Variants in R3HCC1L observed in about 807,000 individuals in gnomAD.
The protein encoded by R3HCC1L is R3H domain and coiled-coil containing 1 like, also known as coiled-coil domain-containing protein R3HCC1L.
In R3HCC1L, 51 loss-of-function variants were observed where a neutral mutation model predicts 59.9. That is an observed-to-expected ratio of 0.85 (90% confidence interval 0.68 to 1.07). R3HCC1L has a LOEUF of 1.07. Among genes scored for constraint, R3HCC1L ranks in the 50% least tolerant of loss-of-function variants. The pLI is 0.00. For synonymous variants in R3HCC1L, 322 were observed against 315.2 expected, an observed-to-expected ratio of 1.02 and a Z score of -0.23; for missense variants, 965 against 933.0, an observed-to-expected ratio of 1.03 and a Z score of -0.45.
At chr10:98,158,405 T>C (rs2134132483) in intron 2 of R3HCC1L, among the ~76,000 whole-genome samples, 1 of 152,352 alleles carries the variant, frequency 6.6e-6, no homozygotes, top group Middle Eastern at 3.4e-3. Flanking sequence ...TCTTTGTTTT[T>C]CTGTTTAATT....
intron 1 of R3HCC1L, among the ~76,000 whole-genome samples, chr10:98,137,072 G>T (rs1192474343): frequency 1.3e-5 from 2 of 152,094 alleles, no homozygotes; most frequent in Non-Finnish European, 2.9e-5. Flanking sequence ...TTAGCTGGGC[G>T]TGGTGGCGTG....
At chr10:98,212,028 G>T (rs1359873399) in intron 5 of R3HCC1L, among the ~76,000 whole-genome samples, 1 of 152,084 alleles carries the variant, frequency 6.6e-6, no homozygotes, top group Admixed American at 6.6e-5. Context: ...GTTGTGTTTG[G>T]CTTATGTTTG....
chr10:98,224,011 G>A lies in R3HCC1L; in HGVS notation c.1786-7501G>A, dbSNP rs115668687. On this transcript the variant is annotated intron_variant, in intron 5 of 9. Transcript: ENST00000298999. ...AATTACGCAGGTGGGGGGTTGTGGCGGGTCAATCTCCAGGCTCCCTGATGT... is the reference window on the plus strand; with the variant it reads ...AATTACGCAGGTGGGGGGTTGTGGCAGGTCAATCTCCAGGCTCCCTGATGT... Among the ~76,000 whole-genome samples, 457 of 152,190 alleles carry A rather than the reference G, an allele frequency of 3.0e-3. 4 individuals are homozygous for A. Among genetic ancestry groups the A allele is most frequent in the African/African-American group, 9.3e-3 (385 of 41,524 alleles).
rs1853607103 is a variant in R3HCC1L, at chr10:98,211,770, A to G, written c.1785+1871A>G. On this transcript the variant is annotated intron_variant, in intron 5 of 9. Coordinates refer to ENST00000298999, the MANE Select transcript of R3HCC1L (RefSeq NM_001351015.2). ...GGCTTCCAGGGGCTTTCAAAACATC[A>G]GGGGCTGGAACTTGGATTCAGTGGG... 2.0e-5 allele frequency among the ~76,000 whole-genome samples: 3 copies of G among 152,070 alleles called. No homozygotes were observed. In the South Asian group the frequency reaches 6.2e-4, roughly 32 times the overall value.
At chr10:98,191,661 A>T (rs949188640) in intron 4 of R3HCC1L, among the ~76,000 whole-genome samples, 1 of 152,104 alleles carries the variant, frequency 6.6e-6, no homozygotes, top group South Asian at 2.1e-4. Context: ...GTTTAATCAG[A>T]TCCCATTTGT....
At chr10:98,168,791 A>G (rs1195059838) in intron 4 of R3HCC1L, among the ~76,000 whole-genome samples, 1 of 152,220 alleles carries the variant, frequency 6.6e-6, no homozygotes, top group Non-Finnish European at 1.5e-5. Flanking sequence ...CGTATACTCT[A>G]CATTCTACTT....
chr10:98,229,197 T>C (rs1436058387), intron 5 of R3HCC1L, among the ~76,000 whole-genome samples: 3 of 152,204 alleles, frequency 2.0e-5, no homozygotes, highest in Non-Finnish European at 2.9e-5. Context: ...TTTCACGATA[T>C]TGATTCTTCC....
rs187953004 is a variant in R3HCC1L, at chr10:98,148,302, T to G, written c.-267-7791T>G. 4.2e-3 allele frequency among the ~76,000 whole-genome samples: 633 copies of G among 152,276 alleles called. 3 individuals are homozygous for G. The highest frequency in any genetic ancestry group is 7.1e-3 in the Non-Finnish European group (484 of 67,980). On this transcript the variant is annotated intron_variant, in intron 1 of 9. Transcript: ENST00000298999. ...GAATTTTTTGGTGGAATCTTTAGGTTTTTCTGTATATAAATCGTTTTGTCT... is the reference window on the plus strand; with the variant it reads ...GAATTTTTTGGTGGAATCTTTAGGTGTTTCTGTATATAAATCGTTTTGTCT...
intron 5 of R3HCC1L, among the ~76,000 whole-genome samples, chr10:98,224,098 C>G (rs960400524): frequency 1.1e-4 from 17 of 152,154 alleles, no homozygotes; most frequent in East Asian, 9.7e-4. Context: ...AGACAGTGTG[C>G]TTGGGTGCCG....
intron 4 of R3HCC1L, among the ~76,000 whole-genome samples, chr10:98,197,743 A>G (rs1336290314): frequency 6.6e-6 from 1 of 152,236 alleles, no homozygotes; most frequent in Non-Finnish European, 1.5e-5. Context: ...AGATGTGCAA[A>G]CAAGTAACTA....
At chr10:98,171,267 G>A (rs1158001759) in intron 4 of R3HCC1L, among the ~76,000 whole-genome samples, 1 of 152,134 alleles carries the variant, frequency 6.6e-6, no homozygotes, top group Non-Finnish European at 1.5e-5. Flanking sequence ...GAAAAACTAG[G>A]ATGTTGAATT....
chr10:98,141,459 C>G (rs1193005041), intron 1 of R3HCC1L, among the ~76,000 whole-genome samples: 3 of 152,142 alleles, frequency 2.0e-5, no homozygotes, highest in Non-Finnish European at 4.4e-5. Context: ...TGGGAAAGGG[C>G]ACTTTTTTTC....
In R3HCC1L at chr10:98,168,899, C is replaced by A. The variant is rs149606584; in HGVS notation, c.-15+5502C>A. On this transcript the variant is annotated intron_variant, in intron 4 of 9. Transcript: ENST00000298999. ...GGAGAAGGAAAGTAGAGAAGGGCAG[C>A]ATTTTCAAATGCTTGGAGGAGTTGG... 1.1e-3 allele frequency among the ~76,000 whole-genome samples: 169 copies of A among 152,274 alleles called. 1 individual carries two copies. Among genetic ancestry groups the A allele is most frequent in the African/African-American group, 4.0e-3 (166 of 41,542 alleles).
At chr10:98,139,837 G>A (rs76393912) in intron 1 of R3HCC1L, among the ~76,000 whole-genome samples, 3,750 of 150,802 alleles carry the variant, frequency 0.025, 150 homozygotes, top group African/African-American at 0.082. Context: ...AATATTTGTT[G>A]TCCTTCTTGT....
intron 9 of R3HCC1L, among the ~76,000 whole-genome samples, chr10:98,243,491 A>AT (rs1273318842): frequency 6.6e-6 from 1 of 152,202 alleles, no homozygotes; most frequent in Non-Finnish European, 1.5e-5. Context: ...AGATTTGTAT[A>AT]TTTTTTGTTT....
At chr10:98,186,544 A>T in intron 4 of R3HCC1L, 1 of 972,390 alleles carries the variant, frequency 1.0e-6, no homozygotes. Flanking sequence ...AAGTCTTCTG[A>T]GACTCCAGAG....
chr10:98,237,700 G>C (rs919627843), intron 9 of R3HCC1L, among the ~76,000 whole-genome samples: 9 of 152,206 alleles, frequency 5.9e-5, no homozygotes, highest in African/African-American at 1.9e-4. Context: ...TGCTGAGGCT[G>C]TATGGATTAT....
At chr10:98,185,710 A>C (rs1850162964) in intron 4 of R3HCC1L, among the ~76,000 whole-genome samples, 1 of 152,220 alleles carries the variant, frequency 6.6e-6, no homozygotes. Context: ...GGTTAGAAAG[A>C]AGAGTCTTCT....
chr10:98,135,047 AC>A (rs1844406447), intron 1 of R3HCC1L, among the ~76,000 whole-genome samples: 1 of 151,664 alleles, frequency 6.6e-6, no homozygotes, highest in African/African-American at 2.4e-5. Flanking sequence ...GTCCCTGGTT[AC>A]CCCCTCGGGG....
Sources: gnomAD v4.1 joint callset for allele counts (sites outside exome capture counted in the v4.1 genomes callset) on GRCh38, gnomAD v4.1.1 for gene constraint, MANE v1.5 for transcripts, NCBI Gene and HGNC (gene_info 2026-07-23, HGNC 2026-07-21) for gene names.